IL1RAPL2: variants seen among roughly 807,000 people sequenced by gnomAD.
The protein encoded by IL1RAPL2 is interleukin 1 receptor accessory protein like 2.
Under a neutral mutation model 44.1 loss-of-function variants are expected in IL1RAPL2, and 3 were observed. That is an observed-to-expected ratio of 0.07 (90% CI 0.03 to 0.18). The LOEUF is 0.18. Ranked by LOEUF, IL1RAPL2 falls within the 10% of genes least tolerant of loss-of-function variation. The probability of loss-of-function intolerance (pLI) is 1.00; values close to 1 mark genes in which losing one functional copy is unlikely to be tolerated. For missense variants in IL1RAPL2, 391 were observed against 496.4 expected (o/e 0.79, Z 2.02); for synonymous variants, 181 against 178.8 (o/e 1.01, Z -0.10).
At chrX:105,090,843 T>G (rs2032536053) in intron 2 of IL1RAPL2, among the ~76,000 whole-genome samples, 1 of 112,154 alleles carries the variant, frequency 8.9e-6, no homozygotes, top group Non-Finnish European at 1.9e-5. Context: ...CTCTGGGGTC[T>G]TATTGGTTTC....
intron 2 of IL1RAPL2, among the ~76,000 whole-genome samples, chrX:104,699,996 T>C (rs1487122607): frequency 8.9e-6 from 1 of 111,767 alleles, no homozygotes; most frequent in Non-Finnish European, 1.9e-5. Context: ...GAACTAGTCA[T>C]GTGGCCACAT....
At chrX:105,489,815 CTCTCTCTT>C (rs2036301676) in intron 6 of IL1RAPL2, among the ~76,000 whole-genome samples, 1 of 101,325 alleles carries the variant, frequency 9.9e-6, no homozygotes, top group Non-Finnish European at 2.0e-5. Context: ...CTCTCTCTCT[CTCTCTCTT>C]TCTTTTTCTT....
At chrX:105,623,346 C>T (rs1049898990) in intron 6 of IL1RAPL2, among the ~76,000 whole-genome samples, 3 of 109,554 alleles carry the variant, frequency 2.7e-5, no homozygotes. Context: ...CACACACACA[C>T]GTATATATAT....
At chrX:105,754,149 G>A (rs2038618104) in intron 9 of IL1RAPL2, among the ~76,000 whole-genome samples, 1 of 112,254 alleles carries the variant, frequency 8.9e-6, no homozygotes, top group Non-Finnish European at 1.9e-5. Flanking sequence ...ATTTTTAACA[G>A]TCTTTCGCAG....
chrX:105,409,807 T>TATAG (rs764698139), intron 5 of IL1RAPL2, among the ~76,000 whole-genome samples: 23,126 of 89,149 alleles, frequency 0.26, 2,606 homozygotes, highest in Admixed American at 0.36. Context: ...GGCTTTGATT[T>TATAG]ATAGATAGAT....
intron 7 of IL1RAPL2, among the ~76,000 whole-genome samples, chrX:105,728,456 A>G (rs987372917): frequency 1.8e-5 from 2 of 112,166 alleles, no homozygotes; most frequent in Non-Finnish European, 3.8e-5. Context: ...AATTAAAGCT[A>G]CAGCACACCA....
Position 105,189,272 on chromosome X carries a change from C to T in IL1RAPL2, c.83-6203C>T, listed in dbSNP as rs1312316127. On this transcript the variant is annotated intron_variant, in intron 2 of 10. Transcript: ENST00000372582. ...TTGCTCTGTTGCCCAGGCTGGAGTG[C>T]AGTGGCACGACCTCTGCTGGTGTGC... 2.7e-5 allele frequency among the ~76,000 whole-genome samples: 3 copies of T among 112,306 alleles called. No homozygotes were observed. In the Admixed American group the frequency reaches 2.8e-4, roughly 11 times the overall value.
intron 6 of IL1RAPL2, among the ~76,000 whole-genome samples, chrX:105,553,227 G>A (rs1354177138): frequency 9.0e-6 from 1 of 111,522 alleles, no homozygotes; most frequent in Non-Finnish European, 1.9e-5. Flanking sequence ...TGGCCCAAAG[G>A]ATTATGAGTG....
chrX:105,195,444 G>C (rs782090443), intron 2 of IL1RAPL2, 31 bp from the exon 3 acceptor site: 24 of 1,198,011 alleles, frequency 2.0e-5, no homozygotes, highest in Non-Finnish European at 2.5e-5. Context: ...AATGCTCACT[G>C]TATCTTATAC....
At chrX:105,355,713 A>G (rs897135140) in intron 5 of IL1RAPL2, among the ~76,000 whole-genome samples, 12 of 111,511 alleles carry the variant, frequency 1.1e-4, no homozygotes, top group Middle Eastern at 4.2e-3. Context: ...TGAGACTTTC[A>G]TATTTGTGGT....
intron 2 of IL1RAPL2, among the ~76,000 whole-genome samples, chrX:104,953,067 A>G (rs1470982082): frequency 3.6e-5 from 4 of 111,605 alleles, no homozygotes; most frequent in African/African-American, 1.3e-4. Flanking sequence ...GCAAAAGGAA[A>G]GTTTTTTTTT....
intron 6 of IL1RAPL2, among the ~76,000 whole-genome samples, chrX:105,689,971 G>C (rs1024493794): frequency 2.7e-5 from 3 of 111,331 alleles, no homozygotes; most frequent in African/African-American, 9.8e-5. Flanking sequence ...TACAAGGACA[G>C]AAAACCAAAC....
chrX:104,810,471 A>G (rs1932967566), intron 2 of IL1RAPL2, among the ~76,000 whole-genome samples: 1 of 111,501 alleles, frequency 9.0e-6, no homozygotes, highest in Non-Finnish European at 1.9e-5. Flanking sequence ...TATTTTTGAG[A>G]TGAGCATTAA....
At chrX:105,247,589 G>GTATATATATA (rs748826139) in intron 4 of IL1RAPL2, among the ~76,000 whole-genome samples, 4 of 95,051 alleles carry the variant, frequency 4.2e-5, no homozygotes, top group African/African-American at 1.9e-4. Context: ...AGAAGTGTGT[G>GTATATATATA]TGTATATATA....
At chrX:105,020,828 C>A (rs1330519551) in intron 2 of IL1RAPL2, among the ~76,000 whole-genome samples, 1 of 111,203 alleles carries the variant, frequency 9.0e-6, no homozygotes, top group Non-Finnish European at 1.9e-5. Flanking sequence ...GGACAGAGGA[C>A]TGAAAAAATA....
chrX:105,084,085 A>G (rs1205099814), intron 2 of IL1RAPL2, among the ~76,000 whole-genome samples: 1 of 112,609 alleles, frequency 8.9e-6, no homozygotes, highest in Non-Finnish European at 1.9e-5. Context: ...CAGAGGATGT[A>G]TGGAAACACT....
At chrX:104,972,180 A>G (rs773870780) in intron 2 of IL1RAPL2, among the ~76,000 whole-genome samples, 1 of 111,693 alleles carries the variant, frequency 9.0e-6, no homozygotes, top group Non-Finnish European at 1.9e-5. Flanking sequence ...TTTCCCTTGC[A>G]TGTTCTGATC....
chrX:104,869,119 T>C (rs948145393), intron 2 of IL1RAPL2, among the ~76,000 whole-genome samples: 1 of 111,892 alleles, frequency 8.9e-6, no homozygotes, highest in African/African-American at 3.2e-5. Flanking sequence ...TTTTTTGTTT[T>C]TGTAAGGGGA....
intron 1 of IL1RAPL2, among the ~76,000 whole-genome samples, chrX:104,597,637 C>A (rs1371192270): frequency 9.0e-6 from 1 of 111,348 alleles, no homozygotes; most frequent in Admixed American, 9.6e-5. Context: ...ATGGAAGCAC[C>A]ATTAACAGAG....
Sources: gnomAD v4.1 joint callset for allele counts (sites outside exome capture counted in the v4.1 genomes callset) on GRCh38, gnomAD v4.1.1 for gene constraint, MANE v1.5 for transcripts, NCBI Gene and HGNC (gene_info 2026-07-23, HGNC 2026-07-21) for gene names.